The following LRRTM4 variants were observed in gnomAD, a reference collection of about 807,000 sequenced individuals.
LRRTM4 encodes leucine rich repeat transmembrane neuronal 4, also known as leucine-rich repeat transmembrane neuronal protein 4.
A neutral mutation model predicts 47.6 loss-of-function variants in LRRTM4; 25 were observed. The ratio of observed to expected loss-of-function variants is 0.53; its 90% CI spans 0.38 to 0.73. The LOEUF is 0.73. Among genes scored for constraint, LRRTM4 ranks in the 30% least tolerant of loss-of-function variants. The pLI is 0.00. For missense variants in LRRTM4, 638 were observed against 713.4 expected (o/e 0.89, Z 1.20); for synonymous variants, 311 against 269.5 (o/e 1.15, Z -1.51).
At chr2:77,235,647 G>A (rs1675085686) in intron 3 of LRRTM4, among the ~76,000 whole-genome samples, 1 of 152,114 alleles carries the variant, frequency 6.6e-6, no homozygotes, top group African/African-American at 2.4e-5. Context: ...CATAGATGGA[G>A]TTCTCACATT....
At chr2:77,093,322 A>C (rs1308250276) in intron 3 of LRRTM4, among the ~76,000 whole-genome samples, 1 of 149,020 alleles carries the variant, frequency 6.7e-6, no homozygotes. Flanking sequence ...CTCTAATCAG[A>C]TGTCCTGAGT....
At chr2:77,039,279 G>A (rs536227765) in intron 3 of LRRTM4, among the ~76,000 whole-genome samples, 1 of 150,640 alleles carries the variant, frequency 6.6e-6, no homozygotes, top group South Asian at 2.1e-4. Flanking sequence ...GGGACATATG[G>A]TGAAATGAGT....
intron 3 of LRRTM4, among the ~76,000 whole-genome samples, chr2:77,016,039 C>A (rs1485961095): frequency 6.6e-6 from 1 of 151,994 alleles, no homozygotes; most frequent in African/African-American, 2.4e-5. Flanking sequence ...CGAGATCACG[C>A]CACTGCGCTC....
At chr2:77,155,885 C>T (rs188197965) in intron 3 of LRRTM4, among the ~76,000 whole-genome samples, 17 of 152,102 alleles carry the variant, frequency 1.1e-4, no homozygotes, top group Non-Finnish European at 2.2e-4. Flanking sequence ...TAACAGGGAA[C>T]CTTTTAAGTT....
intron 3 of LRRTM4, among the ~76,000 whole-genome samples, chr2:77,410,117 G>A (rs989452959): frequency 6.6e-6 from 1 of 151,894 alleles, no homozygotes; most frequent in African/African-American, 2.4e-5. Flanking sequence ...ACATTTATCT[G>A]TATATTTGAG....
At chr2:76,791,465 C>A (rs973076613) in intron 3 of LRRTM4, among the ~76,000 whole-genome samples, 1 of 152,060 alleles carries the variant, frequency 6.6e-6, no homozygotes, top group African/African-American at 2.4e-5. Context: ...AATCCAAGAA[C>A]TTCACTTAGA....
chr2:76,997,934 A>G (rs1046511978), intron 3 of LRRTM4, among the ~76,000 whole-genome samples: 1 of 151,960 alleles, frequency 6.6e-6, no homozygotes, highest in Admixed American at 6.6e-5. Context: ...CACACTCCTT[A>G]TAAGAATCTA....
chr2:76,798,307 C>T (rs1675465415), intron 3 of LRRTM4, among the ~76,000 whole-genome samples: 2 of 151,964 alleles, frequency 1.3e-5, no homozygotes. Flanking sequence ...CACTCAAAAC[C>T]ACTCAACTAC....
intron 3 of LRRTM4, among the ~76,000 whole-genome samples, chr2:77,053,277 G>T (rs10186927): frequency 0.057 from 8,669 of 152,032 alleles, 532 homozygotes; most frequent in African/African-American, 0.14. Flanking sequence ...ATCCAAATAA[G>T]ATATTCATAC....
intron 3 of LRRTM4, among the ~76,000 whole-genome samples, chr2:76,782,197 G>A (rs181143697): frequency 6.6e-6 from 1 of 152,214 alleles, no homozygotes; most frequent in East Asian, 1.9e-4. Flanking sequence ...AGATTTACGG[G>A]CCTGCTGATG....
At chr2:77,200,990 T>C (rs1018846250) in intron 3 of LRRTM4, among the ~76,000 whole-genome samples, 8 of 152,270 alleles carry the variant, frequency 5.3e-5, no homozygotes, top group African/African-American at 1.7e-4. Flanking sequence ...AAGTCCCTTT[T>C]AAATCGGACA....
chr2:77,422,030 C>A (rs764586319), intron 3 of LRRTM4, among the ~76,000 whole-genome samples: 14 of 152,098 alleles, frequency 9.2e-5, no homozygotes, highest in Non-Finnish European at 1.6e-4. Flanking sequence ...AGGTTTGTAA[C>A]CTATATCGTA....
intron 3 of LRRTM4, among the ~76,000 whole-genome samples, chr2:77,331,670 T>A (rs1284181991): frequency 6.6e-6 from 1 of 152,198 alleles, no homozygotes; most frequent in African/African-American, 2.4e-5. Context: ...GGGCCTGGAG[T>A]AAATCCTGAT....
At chr2:76,850,217 C>CT (rs923691581) in intron 3 of LRRTM4, among the ~76,000 whole-genome samples, 1 of 152,118 alleles carries the variant, frequency 6.6e-6, no homozygotes, top group African/African-American at 2.4e-5. Context: ...CCCATCTGCA[C>CT]TTTCATGCTA....
intron 3 of LRRTM4, among the ~76,000 whole-genome samples, chr2:77,016,161 G>T (rs1293835193): frequency 6.6e-6 from 1 of 152,074 alleles, no homozygotes; most frequent in Non-Finnish European, 1.5e-5. Context: ...GCCAAGGAGG[G>T]CAGATCAAGA....
intron 3 of LRRTM4, among the ~76,000 whole-genome samples, chr2:76,967,933 C>T (rs1166024828): frequency 6.6e-6 from 1 of 151,412 alleles, no homozygotes; most frequent in African/African-American, 2.4e-5. Flanking sequence ...CTGTTTCCAG[C>T]TGCTAGCTCA....
chr2:77,150,237 T>G (rs1672379362), intron 3 of LRRTM4, among the ~76,000 whole-genome samples: 1 of 152,142 alleles, frequency 6.6e-6, no homozygotes, highest in Non-Finnish European at 1.5e-5. Flanking sequence ...TAAATAGAAT[T>G]TGCTTTTCAC....
chr2:76,925,533 C>A (rs1674563373), intron 3 of LRRTM4, among the ~76,000 whole-genome samples: 1 of 152,114 alleles, frequency 6.6e-6, no homozygotes, highest in Non-Finnish European at 1.5e-5. Flanking sequence ...GTTTGTTAAG[C>A]AGTATCAGAA....
intron 3 of LRRTM4, among the ~76,000 whole-genome samples, chr2:76,984,749 T>C (rs1285261383): frequency 6.6e-6 from 1 of 152,024 alleles, no homozygotes; most frequent in African/African-American, 2.4e-5. Context: ...AGATTCTTTA[T>C]CTAGGAGAAT....
Sources: allele counts gnomAD v4.1 joint callset (sites outside exome capture counted in the v4.1 genomes callset), GRCh38; gene constraint gnomAD v4.1.1; transcripts MANE v1.5; gene names NCBI Gene and HGNC (gene_info 2026-07-23, HGNC 2026-07-21).